The following PRDM16 variants were observed in gnomAD, a reference collection of about 807,000 sequenced individuals.
PRDM16 encodes the protein histone-lysine N-methyltransferase PRDM16.
Under a neutral mutation model 110.6 loss-of-function variants are expected in PRDM16, and 23 were observed. The observed-to-expected ratio is 0.21, with a 90% CI of 0.15 to 0.29. The LOEUF (loss-of-function observed/expected upper bound fraction) is 0.29, where lower values mean the gene tolerates loss of function less well. PRDM16 is among the 10% of genes least tolerant of loss of function. The pLI is 1.00. For missense variants in PRDM16, 1,615 were observed against 1,794.3 expected, an observed-to-expected ratio of 0.90 and a Z score of 1.81; for synonymous variants, 799 against 781.8, an observed-to-expected ratio of 1.02 and a Z score of -0.37.
intron 2 of PRDM16, among the ~76,000 whole-genome samples, chr1:3,241,050 G>T (rs905138): frequency 0.24 from 36,966 of 152,226 alleles, 5,807 homozygotes; most frequent in African/African-American, 0.45. Context: ...GGTTTTCAGC[G>T]GAGCGGCGGC....
intron 12 of PRDM16, among the ~76,000 whole-genome samples, chr1:3,422,287 ACAGG>A (rs896855692): frequency 2.6e-5 from 4 of 151,188 alleles, no homozygotes; most frequent in South Asian, 2.1e-4. Flanking sequence ...AGATGGACAG[ACAGG>A]CAGGCAGACA....
intron 14 of PRDM16, among the ~76,000 whole-genome samples, chr1:3,426,509 C>T (rs1006702318): frequency 2.6e-5 from 4 of 152,100 alleles, no homozygotes; most frequent in Admixed American, 1.3e-4. Context: ...GCCAGGTGAC[C>T]GAGCCGGGCA....
At chr1:3,409,067 A>G (rs1302564347) in intron 8 of PRDM16, among the ~76,000 whole-genome samples, 5 of 134,008 alleles carry the variant, frequency 3.7e-5, no homozygotes, top group African/African-American at 1.4e-4. Flanking sequence ...GTGTCGGCGC[A>G]CGTGACAGCG....
rs377137914 is a variant in PRDM16, at chr1:3,425,235, G to A, written c.2940-346G>A. On this transcript the variant is annotated intron_variant, in intron 12 of 16. Transcript: ENST00000270722. This position sits in a 1 kb window ranked among gnomAD's most constrained non-coding sequence, Gnocchi z 6.9. ...TGGGACTACAGGCGCCCACCACCACGACTGGCTGATTTTTTTGTATTTTTA... is the reference window on the plus strand; with the variant it reads ...TGGGACTACAGGCGCCCACCACCACAACTGGCTGATTTTTTTGTATTTTTA... 4.9e-5 allele frequency: 9 copies of A among 182,050 alleles called. No individual in the cohort carries two copies. The highest frequency in any genetic ancestry group is 2.4e-4 in the South Asian group (2 of 8,294). 11.3% of individuals were successfully genotyped at this position (182,050 alleles called of 1,614,324 possible). A position where few individuals can be genotyped will look rare whatever the true frequency, so the allele number is the denominator to read the frequency against.
At chr1:3,356,287 C>T (rs999739691) in intron 3 of PRDM16, among the ~76,000 whole-genome samples, 2 of 152,220 alleles carry the variant, frequency 1.3e-5, no homozygotes, top group Non-Finnish European at 2.9e-5. Context: ...TGCGCCAAGC[C>T]ACCATCTCTA....
intron 2 of PRDM16, among the ~76,000 whole-genome samples, chr1:3,202,370 G>C (rs1569836538): frequency 6.7e-6 from 1 of 149,998 alleles, no homozygotes; most frequent in South Asian, 2.1e-4. Flanking sequence ...GGGAAGCCTA[G>C]GGGAGGCTGG....
intron 3 of PRDM16, among the ~76,000 whole-genome samples, chr1:3,343,284 T>C (rs1474338036): frequency 2.0e-5 from 3 of 146,890 alleles, no homozygotes; most frequent in African/African-American, 7.7e-5. Flanking sequence ...TTTTGTGAAG[T>C]GTTCGTTCAA....
At chr1:3,279,280 G>A (rs887101558) in intron 3 of PRDM16, among the ~76,000 whole-genome samples, 8 of 152,196 alleles carry the variant, frequency 5.3e-5, no homozygotes, top group African/African-American at 1.2e-4. Context: ...CCCTGGGTCC[G>A]GCACAGCCTG....
In PRDM16 at chr1:3,245,143, G is replaced by A. The variant is rs1569915280; in HGVS notation, c.438+1006G>A. On this transcript the variant is annotated intron_variant, in intron 3 of 16. Coordinates refer to ENST00000270722, the MANE Select transcript of PRDM16 (RefSeq NM_022114.4). The surrounding 1 kb of genome is among the most constrained non-coding windows in gnomAD (Gnocchi z 4.7). ...GCTGAGTCAGTGCCTACCGAGTGCTGTTACAATTCTGTCAGAATTACAACT... is the reference window on the plus strand; with the variant it reads ...GCTGAGTCAGTGCCTACCGAGTGCTATTACAATTCTGTCAGAATTACAACT... Among the ~76,000 whole-genome samples, 1 of 152,316 alleles carries A rather than the reference G, an allele frequency of 6.6e-6. No individual in the cohort carries two copies. Among genetic ancestry groups the A allele is most frequent in the Middle Eastern group, 3.4e-3 (1 of 294 alleles).
intron 3 of PRDM16, among the ~76,000 whole-genome samples, chr1:3,383,737 T>G (rs1380508923): frequency 6.6e-6 from 1 of 152,074 alleles, no homozygotes; most frequent in Non-Finnish European, 1.5e-5. Context: ...CTCCACTGTT[T>G]TCACTTGGAC....
chr1:3,241,468 G>T (rs937606522), intron 2 of PRDM16, among the ~76,000 whole-genome samples: 10 of 152,196 alleles, frequency 6.6e-5, no homozygotes, highest in African/African-American at 2.2e-4. Context: ...ACCACCCCGG[G>T]GCTGGCCAGG....
intron 3 of PRDM16, among the ~76,000 whole-genome samples, chr1:3,281,624 A>G (rs1640713002): frequency 6.6e-6 from 1 of 152,206 alleles, no homozygotes; most frequent in Admixed American, 6.5e-5. Flanking sequence ...TTGATGAGCT[A>G]TGATCAGACT....
intron 1 of PRDM16, among the ~76,000 whole-genome samples, chr1:3,071,136 C>T (rs1396276806): frequency 1.3e-5 from 2 of 152,250 alleles, no homozygotes; most frequent in African/African-American, 4.8e-5. Context: ...CAGGATGGGC[C>T]CTAAGCTGGA....
At position 3,110,362 on chromosome 1, in the gene PRDM16, G is replaced by A. The variant is rs538312435; in HGVS notation, c.37+41066G>A. 7.4e-5 allele frequency among the ~76,000 whole-genome samples: 11 copies of A among 149,336 alleles called. No individual in the cohort carries two copies. The East Asian group carries it at 1.2e-3, about 17-fold the overall frequency. On this transcript the variant is annotated intron_variant, in intron 1 of 16. Transcript: ENST00000270722. ...GGGCTCCCCCATGTCCTGGGTGTGG[G>A]GACACAGTGTCTGCGGCTCCCCCAT...
At chr1:3,364,526 GC>G (rs1441455972) in intron 3 of PRDM16, among the ~76,000 whole-genome samples, 2 of 152,190 alleles carry the variant, frequency 1.3e-5, no homozygotes, top group African/African-American at 4.8e-5. Flanking sequence ...CCTCCACTGA[GC>G]CGTCCACATC....
intron 3 of PRDM16, among the ~76,000 whole-genome samples, chr1:3,263,698 C>T (rs1468262604): frequency 6.6e-6 from 1 of 152,374 alleles, no homozygotes; most frequent in African/African-American, 2.4e-5. Context: ...CAGGCCCTCA[C>T]AGCCCTGACC....
At chr1:3,130,022 T>A (rs554926265) in intron 1 of PRDM16, among the ~76,000 whole-genome samples, 1 of 152,260 alleles carries the variant, frequency 6.6e-6, no homozygotes, top group South Asian at 2.1e-4. Context: ...AGGCGGCTTG[T>A]TCTGGGACAG....
rs1468025800 is a variant in PRDM16, at chr1:3,069,228, G to A, written c.-32G>A. 2.5e-6 allele frequency: 4 copies of A among 1,575,928 alleles called. No individual in the cohort carries two copies. The South Asian group carries it at 3.4e-5, about 14-fold the overall frequency. On this transcript the variant is annotated 5_prime_UTR_variant, in exon 1 of 17. Coordinates refer to ENST00000270722, the MANE Select transcript of PRDM16 (RefSeq NM_022114.4). The surrounding 1 kb of genome is among the most constrained non-coding windows in gnomAD (Gnocchi z 6.1). ...AGTGTGTGGCTGCTTCTGGACTCAAGGAGGAGGAGAGAGATTCCGCGAGCC... is the reference window on the plus strand; with the variant it reads ...AGTGTGTGGCTGCTTCTGGACTCAAAGAGGAGGAGAGAGATTCCGCGAGCC...
At chr1:3,296,852 A>G (rs1641099910) in intron 3 of PRDM16, among the ~76,000 whole-genome samples, 1 of 152,240 alleles carries the variant, frequency 6.6e-6, no homozygotes, top group Non-Finnish European at 1.5e-5. Context: ...AGTTGAAAAT[A>G]TCCTAAGTCA....
Sources: allele counts gnomAD v4.1 joint callset (sites outside exome capture counted in the v4.1 genomes callset), GRCh38; gene constraint gnomAD v4.1.1; non-coding constraint Gnocchi (gnomAD v3.1); transcripts MANE v1.5; gene names NCBI Gene and HGNC (gene_info 2026-07-23, HGNC 2026-07-21).